Variants in RIMBP2 observed in about 807,000 individuals in gnomAD.
RIMBP2 encodes RIMS binding protein 2, also known as RIMS-binding protein 2.
Under a neutral mutation model 118.6 loss-of-function variants are expected in RIMBP2, and 48 were observed. The observed-to-expected ratio is 0.40, with a 90% CI of 0.32 to 0.51. The LOEUF is 0.51. Among genes scored for constraint, RIMBP2 ranks in the 20% least tolerant of loss-of-function variants. The pLI is 0.41. For synonymous variants in RIMBP2, 762 were observed against 742.9 expected (o/e 1.03, Z -0.42); for missense variants, 1,551 against 1,768.3 (o/e 0.88, Z 2.20).
rs2064900585 is a variant in RIMBP2, at chr12:130,683,550, C to G, written c.-352+32672G>C. Reference sequence around the variant, plus strand: ...AGGCTGAGACCTACTGGGCTGCATTCCCAGATGGTGAAGGCATTCTAAGTC... The same window carrying G: ...AGGCTGAGACCTACTGGGCTGCATTGCCAGATGGTGAAGGCATTCTAAGTC... On this transcript the variant is annotated intron_variant, in intron 1 of 22. Coordinates refer to ENST00000690449, the MANE Select transcript of RIMBP2 (RefSeq NM_001393629.1). This position sits in a 1 kb window ranked among gnomAD's most constrained non-coding sequence, Gnocchi z 4.4. 6.6e-6 allele frequency among the ~76,000 whole-genome samples: 1 copy of G among 152,320 alleles called. No homozygotes were observed. Among genetic ancestry groups the G allele is most frequent in the South Asian group, 2.1e-4 (1 of 4,818 alleles).
At position 130,420,138 on chromosome 12, in the gene RIMBP2, G is replaced by T. The variant is rs2076324820; in HGVS notation, c.3238+2315C>A. Among the ~76,000 whole-genome samples, 1 of 152,288 alleles carries T rather than the reference G, an allele frequency of 6.6e-6. No homozygotes were observed. The highest frequency in any genetic ancestry group is 1.9e-4 in the East Asian group (1 of 5,176). ...ACTAGAGGAATATCCTGTCTGTTCA[G>T]CTGTCACTGATGTTCATTTCCCAAA... On this transcript the variant is annotated intron_variant, in intron 17 of 22. Transcript: ENST00000690449. This position sits in a 1 kb window ranked among gnomAD's most constrained non-coding sequence, Gnocchi z 4.3.
chr12:130,516,843 A>G (rs1051122905), intron 3 of RIMBP2, among the ~76,000 whole-genome samples: 1 of 152,172 alleles, frequency 6.6e-6, no homozygotes, highest in African/African-American at 2.4e-5. Context: ...GCATCACAAG[A>G]TCACTCCAGT....
chr12:130,432,250 A>T (rs2077198971), intron 14 of RIMBP2: 1 of 456,494 alleles, frequency 2.2e-6, no homozygotes, highest in Non-Finnish European at 4.4e-6. Context: ...GTTCAATCTA[A>T]TTCCAGCTCT....
intron 4 of RIMBP2, among the ~76,000 whole-genome samples, chr12:130,483,611 C>T (rs1021248395): frequency 2.7e-5 from 4 of 148,198 alleles, no homozygotes; most frequent in South Asian, 2.1e-4. Flanking sequence ...GGGTGGAAGG[C>T]GGGATACACA....
chr12:130,505,103 G>A (rs1441391453), intron 4 of RIMBP2, among the ~76,000 whole-genome samples: 4 of 152,166 alleles, frequency 2.6e-5, no homozygotes, highest in East Asian at 3.9e-4. Context: ...CACAGTCATC[G>A]AGGCAGCTGC....
At chr12:130,449,674 T>G (rs1482565332) in intron 9 of RIMBP2, among the ~76,000 whole-genome samples, 1 of 151,816 alleles carries the variant, frequency 6.6e-6, no homozygotes, top group Admixed American at 6.6e-5. Context: ...TTGGAAACAG[T>G]CTTTGCAAAT....
intron 20 of RIMBP2, 133 bp downstream of exon 20, chr12:130,407,593 C>T (rs377443424): frequency 1.9e-5 from 15 of 782,916 alleles, no homozygotes; most frequent in South Asian, 8.7e-5. Flanking sequence ...TCCCTCGGAT[C>T]GGCAGCCCTT....
At position 130,436,849 on chromosome 12, in the gene RIMBP2, CT is replaced by C; in HGVS notation, c.2098del (p.Ser700AlafsTer4). The C allele has an allele frequency of 6.9e-7, 1 of 1,458,538 alleles. No individual in the cohort carries two copies. The highest frequency in any genetic ancestry group is 2.6e-5 in the East Asian group (1 of 38,768). The allele number at this position is 1,458,538 out of a possible 1,614,324, so 90.3% of individuals were successfully genotyped here. ...CGGGAGCCCCAGCCTTACCCTGCTG[CT>C]CTCGGCCACCCTCTGCGCGGCCTCC... ...AREAAQRVAE[S>X]SRLEKRSVFL... is the part of the protein sequence containing the mutation. On this transcript the variant is annotated frameshift_variant, in exon 13 of 23. Transcript: ENST00000690449. LOFTEE classifies it high-confidence loss of function.
chr12:130,452,480 C>T (rs112303397), intron 7 of RIMBP2, among the ~76,000 whole-genome samples: 8 of 152,276 alleles, frequency 5.3e-5, no homozygotes, highest in African/African-American at 1.9e-4. Flanking sequence ...CATGGCTCGG[C>T]GTGTAGCAGG....
intron 1 of RIMBP2, among the ~76,000 whole-genome samples, chr12:130,711,829 TG>T (rs1166962534): frequency 1.3e-5 from 2 of 152,216 alleles, no homozygotes; most frequent in African/African-American, 4.8e-5. Context: ...ATTTCGTCAC[TG>T]AGCGCACCTC....
chr12:130,421,730 T>C (rs142176972), intron 17 of RIMBP2, among the ~76,000 whole-genome samples: 311 of 152,074 alleles, frequency 2.0e-3, no homozygotes, highest in Middle Eastern at 0.014. Flanking sequence ...TGTGTTTTCA[T>C]AGAAGCCTGG....
At chr12:130,505,326 G>A (rs954157367) in intron 4 of RIMBP2, among the ~76,000 whole-genome samples, 16 of 152,006 alleles carry the variant, frequency 1.1e-4, no homozygotes, top group African/African-American at 3.6e-4. Context: ...ATGCCATGAA[G>A]GTCACCATTT....
intron 2 of RIMBP2, among the ~76,000 whole-genome samples, chr12:130,590,907 G>T (rs906762976): frequency 2.6e-5 from 4 of 152,200 alleles, no homozygotes; most frequent in Non-Finnish European, 4.4e-5. Context: ...ACGAACTTCC[G>T]TGAGGAAGCG....
At chr12:130,649,260 C>G (rs2063121021) in intron 1 of RIMBP2, among the ~76,000 whole-genome samples, 1 of 149,984 alleles carries the variant, frequency 6.7e-6, no homozygotes, top group South Asian at 2.1e-4. Flanking sequence ...GTGGGGCTTG[C>G]TGCGACGTAC....
chr12:130,636,261 T>C (rs1177962886), intron 1 of RIMBP2, among the ~76,000 whole-genome samples: 1 of 152,176 alleles, frequency 6.6e-6, no homozygotes, highest in Non-Finnish European at 1.5e-5. Flanking sequence ...ACCTTTCATC[T>C]GTGTTCTCAT....
intron 17 of RIMBP2, among the ~76,000 whole-genome samples, chr12:130,417,221 C>T (rs1023712806): frequency 6.6e-6 from 1 of 152,182 alleles, no homozygotes; most frequent in African/African-American, 2.4e-5. Context: ...ATTTGACACA[C>T]CAGTGCCATT....
chr12:130,408,971 C>G (rs372901548), intron 19 of RIMBP2, among the ~76,000 whole-genome samples: 15 of 152,130 alleles, frequency 9.9e-5, no homozygotes, highest in African/African-American at 3.6e-4. Context: ...GCACACACGC[C>G]TCTGTGCACA....
intron 2 of RIMBP2, among the ~76,000 whole-genome samples, chr12:130,544,744 C>G (rs1174725604): frequency 6.6e-6 from 1 of 151,908 alleles, no homozygotes. Flanking sequence ...GGATTACAGG[C>G]ATGTACCACC....
chr12:130,607,800 T>C (rs920203950), intron 2 of RIMBP2, among the ~76,000 whole-genome samples: 3 of 151,940 alleles, frequency 2.0e-5, no homozygotes, highest in African/African-American at 7.3e-5. Flanking sequence ...CTCTCCACGC[T>C]GACCAAGCAG....
Sources: allele counts gnomAD v4.1 joint callset (sites outside exome capture counted in the v4.1 genomes callset), GRCh38; gene constraint gnomAD v4.1.1; non-coding constraint Gnocchi (gnomAD v3.1); transcripts MANE v1.5; gene names NCBI Gene and HGNC (gene_info 2026-07-23, HGNC 2026-07-21).